Variants in ERN2 observed in about 807,000 individuals in gnomAD.
The protein encoded by ERN2 is serine/threonine-protein kinase/endoribonuclease IRE2.
ERN2 carries 111 observed loss-of-function variants against 107.9 expected under a neutral mutation model. That is an observed-to-expected ratio of 1.03 (90% CI 0.88 to 1.20). The LOEUF (loss-of-function observed/expected upper bound fraction) is 1.20, where lower values mean the gene tolerates loss of function less well. ERN2 is among the 50% of genes most tolerant of loss of function. The probability of loss-of-function intolerance (pLI) is 0.00; values close to 1 mark genes in which losing one functional copy is unlikely to be tolerated. For missense variants in ERN2, 1,225 were observed against 1,197.9 expected, an observed-to-expected ratio of 1.02 and a Z score of -0.33; for synonymous variants, 524 against 501.7, an observed-to-expected ratio of 1.04 and a Z score of -0.59.
chr16:23,701,384 C>T (rs1383162634), intron 11 of ERN2, among the ~76,000 whole-genome samples: 1 of 152,192 alleles, frequency 6.6e-6, no homozygotes, highest in Non-Finnish European at 1.5e-5. Flanking sequence ...ATGTCCACCT[C>T]CAGAGATCCT....
In ERN2 at chr16:23,706,326, T is replaced by C; in HGVS notation, c.589+4A>G. On this transcript the variant is annotated splice_donor_region_variant and intron_variant, in intron 7 of 21. Coordinates refer to ENST00000256797, the MANE Select transcript of ERN2 (RefSeq NM_033266.4). Reference sequence around the variant, plus strand: ...AGATGGGACCAGAGAAAGGTGGAACTCACATTTCCCAGGTGAGCCATCCAT... The same window carrying C: ...AGATGGGACCAGAGAAAGGTGGAACCCACATTTCCCAGGTGAGCCATCCAT... The C allele has an allele frequency of 2.0e-6, 3 of 1,512,276 alleles. No individual in the cohort carries two copies. Among genetic ancestry groups the C allele is most frequent in the Non-Finnish European group, 2.7e-6 (3 of 1,129,566 alleles). The allele number at this position is 1,512,276 out of a possible 1,614,324, so 93.7% of individuals were successfully genotyped here. A position where few individuals can be genotyped will look rare whatever the true frequency, so the allele number is the denominator to read the frequency against.
Position 23,707,048 on chromosome 16 carries a change from T to A in ERN2, c.338A>T (p.His113Leu). The A allele has an allele frequency of 6.2e-7, 1 of 1,614,186 alleles. No individual in the cohort carries two copies. The highest frequency in any genetic ancestry group is 8.5e-7 in the Non-Finnish European group (1 of 1,180,014). ...KLPFTIPELV[H>L]ASPCRSSDGV... Reference sequence around the variant, plus strand: ...ATCAGAGCTGCGGCAGGGAGAGGCATGAACCAGCTCAGGGATGGTGAATGG... The same window carrying A: ...ATCAGAGCTGCGGCAGGGAGAGGCAAGAACCAGCTCAGGGATGGTGAATGG... Residue 113 changes from histidine (H) to leucine (L), a missense_variant, in exon 5 of 22, where the codon CAT (histidine) becomes CTT (leucine). His to Leu is a moderately conservative substitution (Grantham distance 99). Coordinates refer to ENST00000256797, the MANE Select transcript of ERN2 (RefSeq NM_033266.4).
chr16:23,708,647 C>T (rs543519982), intron 4 of ERN2, among the ~76,000 whole-genome samples: 21 of 152,126 alleles, frequency 1.4e-4, no homozygotes, highest in African/African-American at 4.8e-4. Context: ...CATAAGCCAC[C>T]GTGCCCAGCC....
At chr16:23,702,821 A>T in intron 8 of ERN2, 119 bp from the exon 9 acceptor site, 1 of 859,466 alleles carries the variant, frequency 1.2e-6, no homozygotes, top group Non-Finnish European at 1.9e-6. Context: ...TAGCCATGAG[A>T]CTTGCTTTAA....
intron 3 of ERN2, 100 bp downstream of exon 3, chr16:23,710,416 T>A: frequency 1.5e-6 from 2 of 1,355,488 alleles, no homozygotes; most frequent in Non-Finnish European, 2.1e-6. Flanking sequence ...CTTCCCTTAC[T>A]TCCAACATGT....
At chr16:23,697,256 C>G (rs895616479) in intron 13 of ERN2, 1 of 151,784 alleles carries the variant, frequency 6.6e-6, no homozygotes, top group Non-Finnish European at 1.5e-5. Context: ...CAAGTTGCAC[C>G]TTAGCATTCC....
intron 1 of ERN2, chr16:23,711,931 G>T: frequency 3.3e-6 from 1 of 302,416 alleles, no homozygotes; most frequent in Non-Finnish European, 7.2e-6. Flanking sequence ...CAAGGCTGGG[G>T]GGTGCCCTTG....
rs768797868 is a variant in ERN2 at position 23,690,880 on chromosome 16, G to C, written c.2732C>G (p.Pro911Arg). Reference protein sequence around the residue: ...ASESLFLPYYPPDSEARRPCP... With the variant: ...ASESLFLPYYRPDSEARRPCP... ...TGGCCTCCTGGCCTCTGAGTCTGGCGGGTAGTAGGGCAGGAAGAGGCTCTC... is the reference window on the plus strand; with the variant it reads ...TGGCCTCCTGGCCTCTGAGTCTGGCCGGTAGTAGGGCAGGAAGAGGCTCTC... Residue 911 changes from proline to arginine, a missense_variant, in exon 22 of 22, where the codon CCG becomes CGG. Pro to Arg is a moderately radical substitution (Grantham distance 103, BLOSUM62 -2). Coordinates refer to ENST00000256797, the MANE Select transcript of ERN2 (RefSeq NM_033266.4). 6.2e-7 allele frequency: 1 copy of C among 1,613,882 alleles called. No individual in the cohort carries two copies. The highest frequency in any genetic ancestry group is 1.7e-5 in the Admixed American group (1 of 60,030).
intron 4 of ERN2, among the ~76,000 whole-genome samples, chr16:23,707,599 C>T (rs1232137074): frequency 6.6e-6 from 1 of 152,108 alleles, no homozygotes; most frequent in African/African-American, 2.4e-5. Context: ...CCTGTAGTCC[C>T]AGCTACTTGT....
At chr16:23,697,756 C>T (rs1959889112) in intron 13 of ERN2, among the ~76,000 whole-genome samples, 1 of 151,968 alleles carries the variant, frequency 6.6e-6, no homozygotes, top group Non-Finnish European at 1.5e-5. Context: ...GAGTTTTTGT[C>T]GTTGTTGTTG....
Position 23,691,376 on chromosome 16 carries a change from C to T in ERN2, c.2426G>A (p.Arg809Lys), listed in dbSNP as rs756772651. The T allele has an allele frequency of 6.2e-6, 10 of 1,602,664 alleles. No individual in the cohort carries two copies. The highest frequency in any genetic ancestry group is 1.1e-5 in the South Asian group (1 of 91,050). Reference protein sequence around the residue: ...EKESEQEPLVRALEAGGCAVV... With the variant: ...EKESEQEPLVKALEAGGCAVV... ...TGCGCAGCCTCCCGCCTCCAGTGCC[C>T]TCACCAGGGGCTCCTGCTCGGACTC... Residue 809 changes from arginine (R) to lysine (K), a missense_variant, in exon 20 of 22, where the codon AGG (arginine) becomes AAG (lysine). Coordinates refer to ENST00000256797, the MANE Select transcript of ERN2 (RefSeq NM_033266.4).
At chr16:23,696,555 G>A (rs1764889687) in intron 13 of ERN2, 1 of 152,766 alleles carries the variant, frequency 6.5e-6, no homozygotes, top group African/African-American at 2.4e-5. Flanking sequence ...GTGGGCATTG[G>A]ATGCTAACCT....
chr16:23,713,079 G>T lies in ERN2; in HGVS notation c.93+16C>A. 1 of 1,515,674 alleles carries T rather than the reference G, an allele frequency of 6.6e-7. No homozygotes were observed. 93.9% of individuals were successfully genotyped at this position (1,515,674 alleles called of 1,614,324 possible). A position where few individuals can be genotyped will look rare whatever the true frequency, so the allele number is the denominator to read the frequency against. ...GACCAGACTTTGGGGACTTGGCGTCGGTCCCTGGCTCTCACCTGTGGACTC... is the reference window on the plus strand; with the variant it reads ...GACCAGACTTTGGGGACTTGGCGTCTGTCCCTGGCTCTCACCTGTGGACTC... On this transcript the variant is annotated intron_variant, in intron 1 of 21. Transcript: ENST00000256797.
At chr16:23,692,692 G>A (rs935166798) in intron 17 of ERN2, among the ~76,000 whole-genome samples, 4 of 152,086 alleles carry the variant, frequency 2.6e-5, no homozygotes, top group South Asian at 2.1e-4. Flanking sequence ...AGCTTCAACC[G>A]GTTGTCACCA....
rs1305839505 is a variant in ERN2, at chr16:23,705,106, T to C, written c.631A>G (p.Thr211Ala). ...ACCGTCCCGCTTCCTGGGTCCACAG[T>C]GAGCAGCAGGCCCATCCCGCAGGAC... ...LASCGMGLLL[T>A]VDPGSGTVLW... is the part of the protein sequence containing the mutation. The change falls in exon 8 of 22, where the codon ACT (threonine) becomes GCT (alanine). Residue 211 changes from threonine (T) to alanine (A), a missense_variant. Physicochemically the swap from Thr to Ala is moderately conservative, Grantham distance 58. Transcript: ENST00000256797. 6.2e-7 allele frequency: 1 copy of C among 1,613,744 alleles called. No homozygotes were observed. The highest frequency in any genetic ancestry group is 1.1e-5 in the South Asian group (1 of 91,058).
chr16:23,696,032 A>T, intron 13 of ERN2, 54 bp from the exon 14 acceptor site: 1 of 1,357,286 alleles, frequency 7.4e-7, no homozygotes. Flanking sequence ...TTTGCCGGCC[A>T]CTGGCCCAGT....
At position 23,695,115 on chromosome 16, in the gene ERN2, C is replaced by G. The variant is rs374721880; in HGVS notation, c.1804G>C (p.Val602Leu). ...ELCRASLQEY[V>L]ENPDLDRGGL... Reference sequence around the variant, plus strand: ...CCGCGATCCAGGTCCGGGTTTTCTACGTACTGAGCAGCAGCAAGGGCCAAA... The same window carrying G: ...CCGCGATCCAGGTCCGGGTTTTCTAGGTACTGAGCAGCAGCAAGGGCCAAA... The change falls in exon 16 of 22, where the codon GTA (valine) becomes CTA (leucine). Residue 602 changes from valine (V) to leucine (L), a missense_variant. Val to Leu is a conservative substitution (Grantham distance 32, BLOSUM62 1). Coordinates refer to ENST00000256797, the MANE Select transcript of ERN2 (RefSeq NM_033266.4). The G allele has an allele frequency of 3.7e-6, 6 of 1,613,934 alleles. No homozygotes were observed. In the African/African-American group the frequency reaches 8.0e-5, roughly 22 times the overall value.
intron 13 of ERN2, 143 bp downstream of exon 13, chr16:23,700,396 A>G: frequency 1.3e-6 from 1 of 757,664 alleles, no homozygotes; most frequent in Non-Finnish European, 2.2e-6. Flanking sequence ...ATTACGTAGC[A>G]GGCTCTACTC....
intron 19 of ERN2, 125 bp downstream of exon 19, chr16:23,691,838 G>C: frequency 2.2e-6 from 3 of 1,337,986 alleles, no homozygotes; most frequent in Non-Finnish European, 3.0e-6. Flanking sequence ...TTTAGGGAAA[G>C]AGCCAGGCTC....
Sources: gnomAD v4.1 joint callset for allele counts (sites outside exome capture counted in the v4.1 genomes callset) on GRCh38, gnomAD v4.1.1 for gene constraint, MANE v1.5 for transcripts, NCBI Gene and HGNC (gene_info 2026-07-23, HGNC 2026-07-21) for gene names.